The following WARS1 variants were observed in gnomAD, a reference collection of about 807,000 sequenced individuals.
WARS1 encodes tryptophanyl-tRNA synthetase 1.
WARS1 carries 17 observed loss-of-function variants against 47.8 expected under a neutral mutation model. That is an observed-to-expected ratio of 0.36 (90% CI 0.24 to 0.53). The LOEUF (loss-of-function observed/expected upper bound fraction) is 0.53. WARS1 is among the 20% of genes least tolerant of loss of function. The pLI, the probability that WARS1 is intolerant of heterozygous loss-of-function variation, is 0.91. For missense variants in WARS1, 434 were observed against 608.0 expected (o/e 0.71, Z 3.01); for synonymous variants, 208 against 228.1 (o/e 0.91, Z 0.79).
In WARS1 at chr14:100,364,329, C is replaced by T. The variant is rs188501920; in HGVS notation, c.100-2408G>A. On this transcript the variant is annotated intron_variant, in intron 2 of 10. Transcript: ENST00000392882. ...ACTTATTTCCCCCTAGGAAACTTGC[C>T]GCTTTAATGAGCTGCTGCTACTGAA... 7.7e-4 allele frequency among the ~76,000 whole-genome samples: 117 copies of T among 152,212 alleles called. 4 individuals are homozygous for T. The highest frequency in any genetic ancestry group is 7.2e-3 in the Admixed American group (110 of 15,280).
intron 1 of WARS1, chr14:100,370,396 AG>A (rs1806249517): frequency 6.6e-6 from 1 of 152,220 alleles, no homozygotes; most frequent in African/African-American, 2.4e-5. Context: ...GAGAAAAAAA[AG>A]GCATGGTAGC....
intron 6 of WARS1, among the ~76,000 whole-genome samples, chr14:100,353,354 G>A (rs986230820): frequency 1.3e-5 from 2 of 152,068 alleles, no homozygotes; most frequent in African/African-American, 4.8e-5. Context: ...GGGTTCAAGC[G>A]ATTCTCCTGC....
At position 100,353,538 on chromosome 14, in the gene WARS1, A is replaced by G. The variant is rs1340834065; in HGVS notation, c.725+149T>C. ...GCTGGGATTACAGGTGTGAGCCACC[A>G]TGGCTGGCCACTCATAGCATTTAAT... On this transcript the variant is annotated intron_variant, in intron 6 of 10. Coordinates refer to ENST00000392882, the MANE Select transcript of WARS1 (RefSeq NM_004184.4). The G allele has an allele frequency of 3.9e-6, 4 of 1,018,466 alleles. No individual in the cohort carries two copies. In the East Asian group the frequency reaches 8.2e-5, roughly 21 times the overall value. The allele number at this position is 1,018,466 out of a possible 1,614,324, so 63.1% of individuals were successfully genotyped here. A position where few individuals can be genotyped will look rare whatever the true frequency, so the allele number is the denominator to read the frequency against.
chr14:100,359,177 A>G (rs746044644), intron 4 of WARS1, among the ~76,000 whole-genome samples: 38 of 152,258 alleles, frequency 2.5e-4, no homozygotes, highest in Non-Finnish European at 4.7e-4. Context: ...TATATGCCCA[A>G]GAGAATTGAA....
intron 7 of WARS1, among the ~76,000 whole-genome samples, chr14:100,344,089 G>C (rs4905953): frequency 2.0e-5 from 3 of 151,168 alleles, no homozygotes; most frequent in African/African-American, 7.3e-5. Flanking sequence ...CTCTCCCCAC[G>C]GTCTCCCTCT....
At chr14:100,359,375 G>A (rs910119578) in intron 4 of WARS1, among the ~76,000 whole-genome samples, 1 of 152,156 alleles carries the variant, frequency 6.6e-6, no homozygotes, top group African/African-American at 2.4e-5. Flanking sequence ...ACAACATGGA[G>A]GAACCTTGAA....
chr14:100,362,047 C>T (rs537872024), intron 2 of WARS1, 126 bp from the exon 3 acceptor site: 1 of 974,512 alleles, frequency 1.0e-6, no homozygotes, highest in South Asian at 1.6e-5. Flanking sequence ...GTGTCACAAC[C>T]CTACAAGGCA....
chr14:100,351,429 G>T (rs1894969490), intron 6 of WARS1, among the ~76,000 whole-genome samples: 1 of 148,248 alleles, frequency 6.7e-6, no homozygotes, highest in Non-Finnish European at 1.5e-5. Context: ...AGGCGGGGAG[G>T]ATCACTTGAG....
chr14:100,341,846 GGCTGCTC>G (rs1339163417), intron 9 of WARS1, among the ~76,000 whole-genome samples: 1 of 152,216 alleles, frequency 6.6e-6, no homozygotes, highest in Non-Finnish European at 1.5e-5. Context: ...GCTTGGTAAT[GGCTGCTC>G]AGGGCCAGGA....
chr14:100,335,490 G>T (rs1421477671), intron 10 of WARS1, among the ~76,000 whole-genome samples: 2 of 151,794 alleles, frequency 1.3e-5, no homozygotes, highest in African/African-American at 4.8e-5. Context: ...TGATTCTCCT[G>T]CCTCAGCCTC....
intron 1 of WARS1, among the ~76,000 whole-genome samples, chr14:100,371,154 A>T (rs1896321600): frequency 6.6e-6 from 1 of 152,154 alleles, no homozygotes; most frequent in Admixed American, 6.5e-5. Context: ...TTGCTTTAAA[A>T]GTACGTAAAT....
At chr14:100,350,299 T>TTC (rs1228593792) in intron 6 of WARS1, among the ~76,000 whole-genome samples, 1 of 146,010 alleles carries the variant, frequency 6.8e-6, no homozygotes, top group African/African-American at 2.5e-5. Context: ...GGCTGAGGCA[T>TTC]GAGAATTGCT....
At chr14:100,338,682 C>A (rs1893917648) in intron 9 of WARS1, among the ~76,000 whole-genome samples, 1 of 151,884 alleles carries the variant, frequency 6.6e-6, no homozygotes, top group Admixed American at 6.6e-5. Context: ...GATTCGCCTG[C>A]CTTGGCCTCC....
Position 100,364,609 on chromosome 14 carries a change from G to T in WARS1, c.100-2688C>A, listed in dbSNP as rs552952706. Among the ~76,000 whole-genome samples the T allele has an allele frequency of 6.0e-4, 91 of 152,270 alleles. 1 individual carries two copies. The highest frequency in any genetic ancestry group is 3.4e-3 in the Middle Eastern group (1 of 294). On this transcript the variant is annotated intron_variant, in intron 2 of 10. Transcript: ENST00000392882. ...TTCACCACTTAACTCTGGTCTCATT[G>T]TGCAACCTCTGATGTCTTCAACGTG...
intron 10 of WARS1, among the ~76,000 whole-genome samples, chr14:100,335,990 G>T (rs969732836): frequency 4.6e-5 from 7 of 151,472 alleles, no homozygotes; most frequent in African/African-American, 1.7e-4. Context: ...AGAAATGAGG[G>T]TCTTGGCTGG....
In WARS1 at chr14:100,352,849, T is replaced by G. The variant is rs74085090; in HGVS notation, c.725+838A>C. The G allele has an allele frequency of 1.9e-3, 293 of 152,350 alleles. 1 individual carries two copies. The highest frequency in any genetic ancestry group is 6.4e-3 in the African/African-American group (266 of 41,578). 9.4% of individuals were successfully genotyped at this position (152,350 alleles called of 1,614,324 possible). Reference sequence around the variant, plus strand: ...CCAAAGTCTTATTTTTCTAACACATTTCTTGGTAATCATTTGGGATGAAAC... The same window carrying G: ...CCAAAGTCTTATTTTTCTAACACATGTCTTGGTAATCATTTGGGATGAAAC... On this transcript the variant is annotated intron_variant, in intron 6 of 10. Coordinates refer to ENST00000392882, the MANE Select transcript of WARS1 (RefSeq NM_004184.4).
At chr14:100,361,016 TTTA>T (rs1394351932) in intron 3 of WARS1, among the ~76,000 whole-genome samples, 2 of 151,708 alleles carry the variant, frequency 1.3e-5, no homozygotes, top group East Asian at 1.9e-4. Flanking sequence ...TATATATTTG[TTTA>T]TTAAGGTAAA....
intron 7 of WARS1, among the ~76,000 whole-genome samples, chr14:100,346,199 G>A (rs1198012450): frequency 6.6e-6 from 1 of 152,216 alleles, no homozygotes; most frequent in Admixed American, 6.5e-5. Context: ...AGGCATGCAC[G>A]TGGGAGGCAA....
chr14:100,361,640 T>C, intron 3 of WARS1, 68 bp downstream of exon 3: 1 of 1,486,058 alleles, frequency 6.7e-7, no homozygotes, highest in Non-Finnish European at 9.2e-7. Flanking sequence ...AAAACATCAA[T>C]GGAATCAACT....
Sources: gnomAD v4.1 joint callset for allele counts (sites outside exome capture counted in the v4.1 genomes callset) on GRCh38, gnomAD v4.1.1 for gene constraint, MANE v1.5 for transcripts, NCBI Gene and HGNC (gene_info 2026-07-23, HGNC 2026-07-21) for gene names.